Variants in ERG observed in about 807,000 individuals in gnomAD.
The protein encoded by ERG is ETS transcription factor ERG.
A neutral mutation model predicts 55.3 loss-of-function variants in ERG; 9 were observed. That is an observed-to-expected ratio of 0.16 (90% CI 0.10 to 0.28). The LOEUF (loss-of-function observed/expected upper bound fraction) is 0.28, where lower values mean the gene tolerates loss of function less well. ERG is among the 10% of genes least tolerant of loss of function. ERG has a pLI of 1.00. For missense variants in ERG, 434 were observed against 631.6 expected (o/e 0.69, Z 3.35); for synonymous variants, 223 against 237.3 (o/e 0.94, Z 0.55).
At chr21:38,372,800 C>T in the ERG span, among the ~76,000 whole-genome samples, 17 of 151,232 alleles carry the variant, frequency 1.1e-4, no homozygotes, top group African/African-American at 3.9e-4. Context: ...CCCATTAAGT[C>T]AAGTTTGTTA....
chr21:38,521,577 C>T (rs900111694), intron 2 of ERG, among the ~76,000 whole-genome samples: 2 of 152,094 alleles, frequency 1.3e-5, no homozygotes, highest in African/African-American at 4.8e-5. Flanking sequence ...CAAATATAAT[C>T]GGTTCATCAC....
At chr21:38,549,972 G>A (rs1007915755) in intron 2 of ERG, among the ~76,000 whole-genome samples, 1 of 152,108 alleles carries the variant, frequency 6.6e-6, no homozygotes, top group Non-Finnish European at 1.5e-5. Flanking sequence ...CAGCCCATGG[G>A]GTGGAGGAAA....
chr21:38,531,307 A>G (rs1400493451), intron 2 of ERG, among the ~76,000 whole-genome samples: 1 of 152,078 alleles, frequency 6.6e-6, no homozygotes, highest in Admixed American at 6.6e-5. Flanking sequence ...TCTCTAGGTA[A>G]CCTCTCCCCA....
chr21:38,457,109 T>A (rs754815897), intron 1 of ERG, among the ~76,000 whole-genome samples: 9 of 152,214 alleles, frequency 5.9e-5, no homozygotes, highest in Non-Finnish European at 1.3e-4. Flanking sequence ...TCTTTTGCCA[T>A]CTGGCTTGAG....
intron 3 of ERG, among the ~76,000 whole-genome samples, chr21:38,420,039 T>C (rs1357805326): frequency 2.0e-5 from 3 of 152,024 alleles, no homozygotes; most frequent in Non-Finnish European, 4.4e-5. Flanking sequence ...TGGTTTTTTT[T>C]TTTTTCACTC....
upstream of ERG, among the ~76,000 whole-genome samples, chr21:38,499,498 GGT>G (rs1568858110): frequency 3.9e-5 from 6 of 152,146 alleles, no homozygotes; most frequent in South Asian, 1.0e-3. Context: ...CCCATAAAGA[GGT>G]GTGGTCTCAA....
chr21:38,581,268 G>A (rs935499057), intron 1 of ERG, among the ~76,000 whole-genome samples: 3 of 152,302 alleles, frequency 2.0e-5, no homozygotes, highest in Non-Finnish European at 4.4e-5. Context: ...AGCCAGATGA[G>A]GGATGGAAAT....
At chr21:38,577,412 C>A (rs2060001260) in intron 1 of ERG, among the ~76,000 whole-genome samples, 1 of 152,102 alleles carries the variant, frequency 6.6e-6, no homozygotes, top group African/African-American at 2.4e-5. Context: ...TTTCTATAAC[C>A]AAATTTCTAG....
intron 5 of ERG, 105 bp from the exon 6 acceptor site, chr21:38,400,750 A>G: frequency 1.3e-6 from 1 of 755,066 alleles, no homozygotes; most frequent in Non-Finnish European, 2.2e-6. Context: ...AAGGGAAGAG[A>G]CCTCCTCAAA....
chr21:38,382,182 G>C lies in ERG; in HGVS notation c.*1221C>G. On this transcript the variant is annotated 3_prime_UTR_variant, in exon 10 of 10. Transcript: ENST00000288319. ...TTTTGTCGTGTGTCTTTGGCTGGCCGAGATCAACTCGTAGTGTATAAATGC... is the reference window on the plus strand; with the variant it reads ...TTTTGTCGTGTGTCTTTGGCTGGCCCAGATCAACTCGTAGTGTATAAATGC... The C allele has an allele frequency of 9.5e-7, 1 of 1,051,162 alleles. No individual in the cohort carries two copies. Among genetic ancestry groups the C allele is most frequent in the Non-Finnish European group, 1.1e-6 (1 of 870,054 alleles). The allele number at this position is 1,051,162 out of a possible 1,614,324, so 65.1% of individuals were successfully genotyped here.
chr21:38,594,329 C>T (rs957293384), intron 1 of ERG, among the ~76,000 whole-genome samples: 1 of 152,196 alleles, frequency 6.6e-6, no homozygotes, highest in Non-Finnish European at 1.5e-5. Flanking sequence ...CACAAACATG[C>T]TTCCCCGACA....
intron 1 of ERG, among the ~76,000 whole-genome samples, chr21:38,580,114 C>A (rs2060019894): frequency 6.6e-6 from 1 of 152,186 alleles, no homozygotes; most frequent in African/African-American, 2.4e-5. Flanking sequence ...GCCACCACGC[C>A]CGGCTAATTT....
chr21:38,543,545 T>C (rs184952146), intron 2 of ERG, among the ~76,000 whole-genome samples: 16 of 152,134 alleles, frequency 1.1e-4, no homozygotes, highest in Admixed American at 5.2e-4. Context: ...GTGAACATCA[T>C]TGAGCATCCA....
At position 38,575,790 on chromosome 21, in the gene ERG, C is replaced by G. The variant is rs182054140; in HGVS notation, c.-126-43G>C. 17 of 1,400,326 alleles carry G rather than the reference C, an allele frequency of 1.2e-5. No individual in the cohort carries two copies. In the African/African-American group the frequency reaches 2.2e-4, roughly 18 times the overall value. 86.7% of individuals were successfully genotyped at this position (1,400,326 alleles called of 1,614,324 possible). On this transcript the variant is annotated intron_variant, in intron 1 of 8. Coordinates refer to the ERG transcript ENST00000398897. ...CAACATACATAATAATAAACAACTGCATTTCTGTGTTTTATGTTCTAGCAG... is the reference window on the plus strand; with the variant it reads ...CAACATACATAATAATAAACAACTGGATTTCTGTGTTTTATGTTCTAGCAG...
At chr21:38,522,385 T>C (rs1247663940) in intron 2 of ERG, among the ~76,000 whole-genome samples, 2 of 152,310 alleles carry the variant, frequency 1.3e-5, no homozygotes, top group Non-Finnish European at 2.9e-5. Flanking sequence ...TATCTTGATT[T>C]ACTAACATTT....
Position 38,629,543 on chromosome 21 carries a change from C to G in ERG, c.-150+32115G>C, listed in dbSNP as rs73444325. Among the ~76,000 whole-genome samples, 379 of 152,238 alleles carry G rather than the reference C, an allele frequency of 2.5e-3. 2 individuals carry two copies. The highest frequency in any genetic ancestry group is 8.4e-3 in the African/African-American group (347 of 41,526). On this transcript the variant is annotated intron_variant, in intron 1 of 10. Transcript: ENST00000398910. ...TGGCCAATGAGCACATAGAAAAATACTCAACATCAATGAGATACCACTTCA... is the reference window on the plus strand; with the variant it reads ...TGGCCAATGAGCACATAGAAAAATAGTCAACATCAATGAGATACCACTTCA...
intron 1 of ERG, among the ~76,000 whole-genome samples, chr21:38,660,932 G>C (rs1331540574): frequency 6.6e-6 from 1 of 152,092 alleles, no homozygotes; most frequent in Non-Finnish European, 1.5e-5. Flanking sequence ...CGCGGGCCGC[G>C]CGGGCAGGTT....
intron 1 of ERG, among the ~76,000 whole-genome samples, chr21:38,496,027 G>C (rs1427427522): frequency 6.6e-6 from 1 of 152,128 alleles, no homozygotes; most frequent in African/African-American, 2.4e-5. Flanking sequence ...GACACTTAGA[G>C]ATAAATGAAC....
At chr21:38,493,536 T>C (rs879860313) in intron 1 of ERG, among the ~76,000 whole-genome samples, 3 of 152,236 alleles carry the variant, frequency 2.0e-5, no homozygotes, top group Admixed American at 6.5e-5. Flanking sequence ...TTTATGTTTA[T>C]AATTTATGCT....
Sources: allele counts gnomAD v4.1 joint callset (sites outside exome capture counted in the v4.1 genomes callset), GRCh38; gene constraint gnomAD v4.1.1; transcripts MANE v1.5; gene names NCBI Gene and HGNC (gene_info 2026-07-23, HGNC 2026-07-21).